Variants in MIPOL1 observed in about 807,000 individuals in gnomAD.
The protein encoded by MIPOL1 is mirror-image polydactyly gene 1 protein.
MIPOL1 carries 57 observed loss-of-function variants against 60.9 expected under a neutral mutation model. That is an observed-to-expected ratio of 0.94 (90% CI 0.76 to 1.17). The LOEUF (loss-of-function observed/expected upper bound fraction) is 1.17. Among genes scored for constraint, MIPOL1 ranks in the 50% most tolerant of loss-of-function variants. MIPOL1 has a pLI of 0.00. For synonymous variants in MIPOL1, 179 were observed against 168.8 expected (o/e 1.06, Z -0.47); for missense variants, 551 against 511.6 (o/e 1.08, Z -0.74).
intron 10 of MIPOL1, among the ~76,000 whole-genome samples, chr14:37,420,270 T>C (rs536977370): frequency 3.3e-5 from 5 of 152,296 alleles, no homozygotes; most frequent in African/African-American, 1.2e-4. Context: ...TTTGTAGTAC[T>C]GAGGGTAGGA....
chr14:37,432,735 T>C (rs2153560029), intron 11 of MIPOL1, among the ~76,000 whole-genome samples: 1 of 152,342 alleles, frequency 6.6e-6, no homozygotes, highest in Non-Finnish European at 1.5e-5. Flanking sequence ...TATCCACTGT[T>C]CATTGCAGCA....
chr14:37,214,345 T>C (rs1332878877), intron 1 of MIPOL1, among the ~76,000 whole-genome samples: 1 of 152,156 alleles, frequency 6.6e-6, no homozygotes, highest in African/African-American at 2.4e-5. Flanking sequence ...AGTTAAGGCA[T>C]AGAGTTTTTA....
At chr14:37,477,640 A>G (rs1368075316) in intron 11 of MIPOL1, among the ~76,000 whole-genome samples, 1 of 152,196 alleles carries the variant, frequency 6.6e-6, no homozygotes, top group East Asian at 1.9e-4. Flanking sequence ...AAAATAACAC[A>G]CCTGACCTCA....
intron 11 of MIPOL1, among the ~76,000 whole-genome samples, chr14:37,488,299 T>G (rs559423827): frequency 1.1e-4 from 16 of 152,334 alleles, no homozygotes; most frequent in South Asian, 1.0e-3. Flanking sequence ...GTATATTCTC[T>G]CAATTTAGGG....
intron 3 of MIPOL1, among the ~76,000 whole-genome samples, chr14:37,260,134 G>A (rs2082415646): frequency 6.6e-6 from 1 of 151,414 alleles, no homozygotes; most frequent in African/African-American, 2.4e-5. Context: ...GGCCAGATGC[G>A]TTAGCTTACA....
At chr14:37,421,832 G>A (rs924473040) in intron 10 of MIPOL1, among the ~76,000 whole-genome samples, 1 of 151,558 alleles carries the variant, frequency 6.6e-6, no homozygotes, top group Non-Finnish European at 1.5e-5. Flanking sequence ...TTTTTCTTAT[G>A]ACTTCTTATA....
intron 9 of MIPOL1, among the ~76,000 whole-genome samples, chr14:37,337,095 G>T (rs1481282653): frequency 2.0e-5 from 3 of 151,298 alleles, no homozygotes; most frequent in Admixed American, 6.6e-5. Context: ...TTTCCCCCTT[G>T]GTTGTAGTAT....
chr14:37,486,799 T>G (rs2094953710), intron 11 of MIPOL1, among the ~76,000 whole-genome samples: 1 of 152,150 alleles, frequency 6.6e-6, no homozygotes, highest in Non-Finnish European at 1.5e-5. Context: ...CCTCTCTTCT[T>G]ATTGAATACT....
chr14:37,521,120 A>G (rs2095410485), intron 12 of MIPOL1, among the ~76,000 whole-genome samples: 1 of 151,614 alleles, frequency 6.6e-6, no homozygotes, highest in Non-Finnish European at 1.5e-5. Context: ...TATTTTTAGT[A>G]GAGACAAGGT....
At chr14:37,492,834 A>G (rs2095064766) in intron 11 of MIPOL1, among the ~76,000 whole-genome samples, 2 of 152,106 alleles carry the variant, frequency 1.3e-5, no homozygotes, top group Non-Finnish European at 1.5e-5. Flanking sequence ...TTTAGCTTCT[A>G]TTCACTAAAT....
chr14:37,215,786 G>A (rs1218089633), intron 1 of MIPOL1, among the ~76,000 whole-genome samples: 1 of 152,114 alleles, frequency 6.6e-6, no homozygotes, highest in African/African-American at 2.4e-5. Flanking sequence ...TAAAGGGATC[G>A]GCCAGATGTG....
chr14:37,244,104 CTTTTTTTTTTTTTTTTTTT>C (rs143933758), intron 1 of MIPOL1, among the ~76,000 whole-genome samples: 13 of 51,610 alleles, frequency 2.5e-4, no homozygotes, highest in Admixed American at 8.1e-4. Context: ...GACTCACTTC[CTTTTTTTTTTTTTTTTTTT>C]TTTTTTTTTT....
chr14:37,303,602 CA>C (rs1323609630), intron 7 of MIPOL1, among the ~76,000 whole-genome samples: 1 of 151,618 alleles, frequency 6.6e-6, no homozygotes, highest in Admixed American at 6.6e-5. Flanking sequence ...TTCCTTGAGA[CA>C]GAATCTTTTT....
At chr14:37,395,645 A>G (rs1458739659) in intron 10 of MIPOL1, among the ~76,000 whole-genome samples, 1 of 152,138 alleles carries the variant, frequency 6.6e-6, no homozygotes, top group Non-Finnish European at 1.5e-5. Context: ...TATCAGTTCT[A>G]GGAGCTTTCT....
chr14:37,521,900 A>G (rs200515536), intron 12 of MIPOL1, among the ~76,000 whole-genome samples: 1 of 32,720 alleles, frequency 3.1e-5, no homozygotes, highest in African/African-American at 1.2e-4. Context: ...AAAAATATAT[A>G]TATATATATA....
At chr14:37,476,744 T>A (rs1020472657) in intron 11 of MIPOL1, among the ~76,000 whole-genome samples, 2 of 152,122 alleles carry the variant, frequency 1.3e-5, no homozygotes, top group Admixed American at 6.5e-5. Context: ...GATTTTTGAA[T>A]GTTAAACCAG....
intron 12 of MIPOL1, among the ~76,000 whole-genome samples, chr14:37,535,764 C>T (rs758512995): frequency 2.6e-5 from 4 of 152,154 alleles, no homozygotes; most frequent in Non-Finnish European, 5.9e-5. Flanking sequence ...AAGAAATATG[C>T]ATAAATGAAT....
At chr14:37,291,712 A>G (rs1182957804) in intron 7 of MIPOL1, among the ~76,000 whole-genome samples, 1 of 152,014 alleles carries the variant, frequency 6.6e-6, no homozygotes, top group African/African-American at 2.4e-5. Flanking sequence ...TTGAAATCCA[A>G]GATCGAGGTG....
At chr14:37,460,811 G>C (rs7161366) in intron 11 of MIPOL1, among the ~76,000 whole-genome samples, 113,748 of 152,076 alleles carry the variant, frequency 0.75, 42,812 homozygotes, top group East Asian at 0.85. Context: ...GAAGGTGAAA[G>C]ACCTCTACAA....
Sources: allele counts gnomAD v4.1 joint callset (sites outside exome capture counted in the v4.1 genomes callset), GRCh38; gene constraint gnomAD v4.1.1; transcripts MANE v1.5; gene names NCBI Gene and HGNC (gene_info 2026-07-23, HGNC 2026-07-21).